Variants in SGCZ observed in about 807,000 individuals in gnomAD.
The protein encoded by SGCZ is sarcoglycan zeta.
A neutral mutation model predicts 41.3 loss-of-function variants in SGCZ; 40 were observed. That is an observed-to-expected ratio of 0.97 (90% CI 0.75 to 1.26). SGCZ has a LOEUF of 1.26. Ranked by LOEUF, SGCZ falls within the 50% of genes most tolerant of loss-of-function variation. The pLI, the probability that SGCZ is intolerant of heterozygous loss-of-function variation, is 0.00. For missense variants in SGCZ, 552 were observed against 369.8 expected (o/e 1.49, Z -4.04); for synonymous variants, 206 against 137.5 (o/e 1.50, Z -3.49).
chr8:15,087,528 G>A (rs372355818), intron 1 of SGCZ, among the ~76,000 whole-genome samples: 1 of 152,050 alleles, frequency 6.6e-6, no homozygotes, highest in Non-Finnish European at 1.5e-5. Flanking sequence ...ATAGACAAAA[G>A]CTCAACTGAT....
Position 14,776,175 on chromosome 8 carries a change from T to G in SGCZ, c.40-221249A>C, listed in dbSNP as rs371479155. On this transcript the variant is annotated intron_variant, in intron 1 of 7. Coordinates refer to ENST00000382080, the MANE Select transcript of SGCZ (RefSeq NM_139167.4). ...GTATTTTATATTTTTAAGTTTGCTCTTTGATATGGTTTGACTGTGTCTCCA... is the reference window on the plus strand; with the variant it reads ...GTATTTTATATTTTTAAGTTTGCTCGTTGATATGGTTTGACTGTGTCTCCA... Among the ~76,000 whole-genome samples the G allele has an allele frequency of 2.0e-5, 3 of 152,322 alleles. No homozygotes were observed. In the East Asian group the frequency reaches 5.8e-4, roughly 29 times the overall value.
At chr8:15,066,373 G>A (rs1805149746) in intron 1 of SGCZ, among the ~76,000 whole-genome samples, 1 of 149,952 alleles carries the variant, frequency 6.7e-6, no homozygotes, top group African/African-American at 2.4e-5. Flanking sequence ...TTACTTCTGA[G>A]TTATTTTCAA....
intron 2 of SGCZ, among the ~76,000 whole-genome samples, chr8:14,542,853 A>G (rs1803512302): frequency 6.6e-6 from 1 of 152,076 alleles, no homozygotes; most frequent in South Asian, 2.1e-4. Context: ...TAAGGGTGCT[A>G]TTTACGTTTA....
chr8:14,624,654 T>C (rs1311658598), intron 1 of SGCZ, among the ~76,000 whole-genome samples: 1 of 137,678 alleles, frequency 7.3e-6, no homozygotes, highest in Non-Finnish European at 1.5e-5. Flanking sequence ...CACTGAAACC[T>C]CCGCCTCCCG....
chr8:14,432,895 A>T, intron 2 of SGCZ, among the ~76,000 whole-genome samples: 1 of 126,548 alleles, frequency 7.9e-6, no homozygotes. Flanking sequence ...GCCTGGGCAA[A>T]AGAGTGAGAC....
chr8:14,570,752 G>C (rs1029963560), intron 1 of SGCZ, among the ~76,000 whole-genome samples: 41 of 152,160 alleles, frequency 2.7e-4, no homozygotes, highest in African/African-American at 8.9e-4. Context: ...AATAACCTAA[G>C]AGACTATTTC....
At chr8:14,749,285 G>T (rs904153581) in intron 1 of SGCZ, among the ~76,000 whole-genome samples, 1 of 152,068 alleles carries the variant, frequency 6.6e-6, no homozygotes. Context: ...TAGAATGGCC[G>T]CCAGAGTTCC....
chr8:14,260,527 A>G (rs1799621752), intron 3 of SGCZ, among the ~76,000 whole-genome samples: 1 of 147,208 alleles, frequency 6.8e-6, no homozygotes, highest in African/African-American at 2.5e-5. Context: ...ACCATTGTGG[A>G]AGTCAGTGTG....
At chr8:14,441,306 G>C (rs544702684) in intron 2 of SGCZ, among the ~76,000 whole-genome samples, 1 of 152,210 alleles carries the variant, frequency 6.6e-6, no homozygotes, top group African/African-American at 2.4e-5. Flanking sequence ...GCCGGGGACA[G>C]TGGCTCACGC....
chr8:14,261,017 C>A (rs200198265), intron 3 of SGCZ, among the ~76,000 whole-genome samples: 5,926 of 152,060 alleles, frequency 0.039, 210 homozygotes, highest in East Asian at 0.17. Context: ...TTAGTGGGTG[C>A]AGTGCACCAG....
intron 1 of SGCZ, among the ~76,000 whole-genome samples, chr8:14,908,622 C>A (rs956169893): frequency 5.3e-5 from 8 of 151,614 alleles, no homozygotes; most frequent in African/African-American, 1.9e-4. Flanking sequence ...TGGTGACAGG[C>A]ACCTGTAATC....
intron 2 of SGCZ, among the ~76,000 whole-genome samples, chr8:14,377,170 G>A (rs1180174563): frequency 1.3e-5 from 2 of 152,192 alleles, no homozygotes; most frequent in Admixed American, 6.5e-5. Context: ...CCTCCAGGGA[G>A]AAGAGAGGGA....
intron 1 of SGCZ, among the ~76,000 whole-genome samples, chr8:14,978,770 G>A (rs564602457): frequency 4.0e-5 from 6 of 150,490 alleles, no homozygotes; most frequent in South Asian, 2.1e-4. Context: ...AATTGATGAC[G>A]GATTTCCTGC....
chr8:14,772,099 A>G (rs1406480089), intron 1 of SGCZ, among the ~76,000 whole-genome samples: 2 of 152,184 alleles, frequency 1.3e-5, no homozygotes, highest in African/African-American at 2.4e-5. Flanking sequence ...ATAGTATTCA[A>G]TAAGTTACCT....
chr8:14,176,768 G>C (rs771264855), intron 4 of SGCZ, among the ~76,000 whole-genome samples: 2 of 152,050 alleles, frequency 1.3e-5, no homozygotes, highest in Non-Finnish European at 2.9e-5. Context: ...ATTATGGAGA[G>C]TATCTGAGAT....
intron 1 of SGCZ, among the ~76,000 whole-genome samples, chr8:14,794,609 G>C (rs578029741): frequency 2.4e-4 from 36 of 152,132 alleles, no homozygotes; most frequent in Non-Finnish European, 4.1e-4. Context: ...CATTAAGAAA[G>C]AAGTTAGAAA....
intron 1 of SGCZ, among the ~76,000 whole-genome samples, chr8:14,563,445 G>A (rs1443511849): frequency 6.6e-6 from 1 of 152,198 alleles, no homozygotes; most frequent in Non-Finnish European, 1.5e-5. Context: ...AATGTACAAT[G>A]CCTAAGACAA....
intron 1 of SGCZ, among the ~76,000 whole-genome samples, chr8:14,744,237 G>A (rs1799279911): frequency 6.6e-6 from 1 of 152,288 alleles, no homozygotes; most frequent in East Asian, 1.9e-4. Context: ...TAAGCCTGCT[G>A]AGCTACGTGC....
chr8:15,204,577 C>T (rs921928376), intron 1 of SGCZ, among the ~76,000 whole-genome samples: 7 of 152,074 alleles, frequency 4.6e-5, no homozygotes, highest in Non-Finnish European at 8.8e-5. Context: ...TGAAGTCTTT[C>T]GTCACCCAAC....
Sources: allele counts gnomAD v4.1 joint callset (sites outside exome capture counted in the v4.1 genomes callset), GRCh38; gene constraint gnomAD v4.1.1; transcripts MANE v1.5; gene names NCBI Gene and HGNC (gene_info 2026-07-23, HGNC 2026-07-21).